Variants in SPOP observed in about 807,000 individuals in gnomAD.
SPOP encodes speckle-type POZ protein.
SPOP carries 11 observed loss-of-function variants against 45.6 expected under a neutral mutation model. The ratio of observed to expected loss-of-function variants is 0.24; its 90% CI spans 0.15 to 0.40. The LOEUF is 0.40. SPOP is among the 10% of genes least tolerant of loss of function. The probability of loss-of-function intolerance (pLI) is 1.00; values close to 1 mark genes in which losing one functional copy is unlikely to be tolerated. For missense variants in SPOP, 152 were observed against 465.6 expected (o/e 0.33, Z 6.20); for synonymous variants, 166 against 166.3 (o/e 1.00, Z 0.01).
chr17:49,635,465 A>C (rs992205028), intron 1 of SPOP, among the ~76,000 whole-genome samples: 6 of 152,176 alleles, frequency 3.9e-5, no homozygotes, highest in Admixed American at 3.9e-4. Context: ...TTCATACTAC[A>C]AAGTAACAAG....
chr17:49,640,971 A>G, intron 1 of SPOP, among the ~76,000 whole-genome samples: 1 of 152,140 alleles, frequency 6.6e-6, no homozygotes, highest in East Asian at 1.9e-4. Context: ...ACCCTTAAAA[A>G]TGAATTCCTG....
chr17:49,607,548 G>A (rs1377771239), intron 7 of SPOP, among the ~76,000 whole-genome samples, 176 bp from the exon 8 acceptor site: 1 of 152,134 alleles, frequency 6.6e-6, no homozygotes, highest in Non-Finnish European at 1.5e-5. Context: ...TCCATCACAT[G>A]TTCCATCTTT....
intron 1 of SPOP, among the ~76,000 whole-genome samples, chr17:49,672,961 A>G (rs938187628): frequency 2.0e-5 from 3 of 152,070 alleles, no homozygotes; most frequent in Middle Eastern, 3.2e-3. Flanking sequence ...AAAAAACAAA[A>G]AACAGTATCA....
intron 1 of SPOP, 29 bp downstream of exon 1, chr17:49,677,904 C>G: frequency 2.7e-6 from 1 of 374,234 alleles, no homozygotes; most frequent in Non-Finnish European, 4.7e-6. Context: ...AGGACAACCC[C>G]CTCCCTCGAC....
chr17:49,606,746 C>T (rs1366629549), intron 8 of SPOP, among the ~76,000 whole-genome samples: 5 of 151,900 alleles, frequency 3.3e-5, no homozygotes, highest in Non-Finnish European at 7.4e-5. Flanking sequence ...CCACCTGCCT[C>T]GGCCTCCGAT....
intron 1 of SPOP, among the ~76,000 whole-genome samples, chr17:49,654,760 G>C (rs1434584568): frequency 6.6e-6 from 1 of 152,166 alleles, no homozygotes; most frequent in Non-Finnish European, 1.5e-5. Context: ...ACTCTAGCCT[G>C]AGTGACAGAG....
intron 5 of SPOP, among the ~76,000 whole-genome samples, chr17:49,612,430 C>G (rs546989117): frequency 6.6e-6 from 1 of 152,172 alleles, no homozygotes; most frequent in African/African-American, 2.4e-5. Context: ...ATACAAGATG[C>G]TTGGCTGTAG....
At position 49,625,427 on chromosome 17, in the gene SPOP, G is replaced by A. The variant is rs1449399529; in HGVS notation, c.-66-2551C>T. Among the ~76,000 whole-genome samples, 6 of 152,106 alleles carry A rather than the reference G, an allele frequency of 3.9e-5. No homozygotes were observed. The South Asian group carries it at 6.2e-4, about 16-fold the overall frequency. On this transcript the variant is annotated intron_variant, in intron 1 of 9. Coordinates refer to ENST00000504102, the MANE Select transcript of SPOP (RefSeq NM_001007228.2). ...AGTTCGAGACCAGCCTGACCAACAT[G>A]GAGAAACCCTGTCCCTACTAAAAAC...
intron 8 of SPOP, chr17:49,602,262 G>T (rs1455618946): frequency 2.7e-6 from 1 of 368,132 alleles, no homozygotes; most frequent in East Asian, 4.8e-5. Flanking sequence ...TAGAAAAATG[G>T]CAATTACAGG....
chr17:49,667,383 A>C (rs913015457), intron 1 of SPOP, among the ~76,000 whole-genome samples: 14 of 151,490 alleles, frequency 9.2e-5, no homozygotes, highest in African/African-American at 3.2e-4. Flanking sequence ...TGAAGTAAGG[A>C]GTTCGAGACC....
intron 1 of SPOP, among the ~76,000 whole-genome samples, chr17:49,669,701 G>A (rs550703518): frequency 8.7e-4 from 122 of 139,514 alleles, no homozygotes; most frequent in African/African-American, 3.2e-3. Context: ...GGAGGCGGAG[G>A]TTGCAGTGAG....
intron 1 of SPOP, among the ~76,000 whole-genome samples, chr17:49,653,993 G>T (rs1455215986): frequency 6.6e-6 from 1 of 152,036 alleles, no homozygotes; most frequent in East Asian, 1.9e-4. Flanking sequence ...CAAATCCTAT[G>T]AATCCCAAGA....
At chr17:49,657,036 T>C (rs1375487701) in intron 1 of SPOP, among the ~76,000 whole-genome samples, 1 of 151,752 alleles carries the variant, frequency 6.6e-6, no homozygotes, top group African/African-American at 2.4e-5. Flanking sequence ...ATACAAAAAA[T>C]TAGCTGGACA....
intron 1 of SPOP, among the ~76,000 whole-genome samples, chr17:49,671,698 A>C (rs1298066454): frequency 2.0e-5 from 3 of 152,176 alleles, no homozygotes; most frequent in Non-Finnish European, 2.9e-5. Context: ...AATTTACCTC[A>C]ATTTTTTAGT....
chr17:49,631,878 A>C (rs928649820), intron 1 of SPOP, among the ~76,000 whole-genome samples: 3 of 152,200 alleles, frequency 2.0e-5, no homozygotes, highest in Admixed American at 6.5e-5. Context: ...CCCAATCTGA[A>C]GCCACTTCCA....
At position 49,671,748 on chromosome 17, in the gene SPOP, G is replaced by A. The variant is rs183015626; in HGVS notation, c.-67+6185C>T. Among the ~76,000 whole-genome samples the A allele has an allele frequency of 2.2e-4, 34 of 152,326 alleles. No individual in the cohort carries two copies. The East Asian group carries it at 4.1e-3, about 18-fold the overall frequency. ...AGGCCAGGCACAGTGGCTCATGCCT[G>A]TAATCCCAGGACTTTGGGAAGCAGA... On this transcript the variant is annotated intron_variant, in intron 1 of 9. Transcript: ENST00000504102.
intron 1 of SPOP, among the ~76,000 whole-genome samples, chr17:49,674,069 C>T (rs1032539318): frequency 4.6e-5 from 7 of 152,076 alleles, no homozygotes; most frequent in Non-Finnish European, 8.8e-5. Flanking sequence ...ATAGCTTGAA[C>T]CAGGGAGGCA....
upstream of SPOP, chr17:49,678,124 G>A (rs1047187388): frequency 2.5e-6 from 1 of 395,630 alleles, no homozygotes; most frequent in Non-Finnish European, 4.5e-6. Flanking sequence ...GACGCAGCCA[G>A]CGCGTACCGC....
chr17:49,673,075 C>T (rs899717893), intron 1 of SPOP, among the ~76,000 whole-genome samples: 6 of 152,038 alleles, frequency 3.9e-5, no homozygotes, highest in African/African-American at 1.4e-4. Context: ...TGAACACGAA[C>T]TGGATATTAG....
Sources: allele counts gnomAD v4.1 joint callset (sites outside exome capture counted in the v4.1 genomes callset), GRCh38; gene constraint gnomAD v4.1.1; transcripts MANE v1.5; gene names NCBI Gene and HGNC (gene_info 2026-07-23, HGNC 2026-07-21).